The following DGKK variants were observed in gnomAD, a reference collection of about 807,000 sequenced individuals.
DGKK encodes the protein 142 kDa diacylglycerol kinase.
A neutral mutation model predicts 92.2 loss-of-function variants in DGKK; 35 were observed. That is an observed-to-expected ratio of 0.38 (90% CI 0.29 to 0.50). DGKK has a LOEUF of 0.50. DGKK is among the 20% of genes least tolerant of loss of function. The pLI, the probability that DGKK is intolerant of heterozygous loss-of-function variation, is 0.92. For synonymous variants in DGKK, 368 were observed against 360.6 expected, an observed-to-expected ratio of 1.02 and a Z score of -0.23; for missense variants, 910 against 992.2, an observed-to-expected ratio of 0.92 and a Z score of 1.11.
At chrX:50,414,746 A>T (rs1925390251) in intron 4 of DGKK, among the ~76,000 whole-genome samples, 1 of 111,807 alleles carries the variant, frequency 8.9e-6, no homozygotes. Context: ...TGAAAGACCC[A>T]CTATTTGATA....
intron 4 of DGKK, among the ~76,000 whole-genome samples, chrX:50,409,901 C>T (rs1407816195): frequency 3.6e-5 from 4 of 111,245 alleles, no homozygotes; most frequent in African/African-American, 1.3e-4. Context: ...CCCTTTTCCA[C>T]CATATGAAGA....
At chrX:50,464,500 G>A (rs1334065249) in intron 1 of DGKK, among the ~76,000 whole-genome samples, 8 of 109,542 alleles carry the variant, frequency 7.3e-5, no homozygotes, top group East Asian at 2.9e-4. Flanking sequence ...GGGAGGATTC[G>A]TAAATTTCAT....
At chrX:50,454,756 G>A (rs1425600305) in intron 1 of DGKK, among the ~76,000 whole-genome samples, 1 of 111,624 alleles carries the variant, frequency 9.0e-6, no homozygotes, top group African/African-American at 3.3e-5. Flanking sequence ...GAGCTAGATT[G>A]TCAGTAGGAC....
At chrX:50,401,339 C>T (rs1282359696) in intron 7 of DGKK, among the ~76,000 whole-genome samples, 200 bp from the exon 8 acceptor site, 1 of 110,995 alleles carries the variant, frequency 9.0e-6, no homozygotes, top group Non-Finnish European at 1.9e-5. Flanking sequence ...TCAGTGTGGC[C>T]TCAGAACTCT....
chrX:50,388,477 T>A (rs781973635), intron 13 of DGKK, 50 bp downstream of exon 13: 2 of 983,671 alleles, frequency 2.0e-6, no homozygotes, highest in Non-Finnish European at 2.9e-6. Context: ...ATGAGCCCCA[T>A]GTCTGACCTG....
At chrX:50,423,445 A>C (rs185214766) in intron 2 of DGKK, among the ~76,000 whole-genome samples, 79 of 112,015 alleles carry the variant, frequency 7.1e-4, no homozygotes, top group African/African-American at 2.4e-3. Flanking sequence ...GGAAAAAGAC[A>C]ATGGTTTCTA....
intron 7 of DGKK, among the ~76,000 whole-genome samples, chrX:50,402,549 C>G (rs1281239987): frequency 1.8e-5 from 2 of 112,113 alleles, no homozygotes; most frequent in Non-Finnish European, 3.8e-5. Context: ...GACCCCTTCA[C>G]TTTTCTGACC....
chrX:50,372,598 A>T (rs1464417057), intron 25 of DGKK, among the ~76,000 whole-genome samples: 1 of 112,162 alleles, frequency 8.9e-6, no homozygotes, highest in Admixed American at 9.4e-5. Context: ...AATGAGTTCT[A>T]GATGGCTTGT....
intron 1 of DGKK, among the ~76,000 whole-genome samples, chrX:50,439,309 G>T (rs1926112311): frequency 9.5e-6 from 1 of 104,745 alleles, no homozygotes; most frequent in South Asian, 4.2e-4. Flanking sequence ...AGATAAATCC[G>T]AATTTGAAAC....
At chrX:50,461,603 G>T (rs1869889897) in intron 1 of DGKK, among the ~76,000 whole-genome samples, 1 of 111,399 alleles carries the variant, frequency 9.0e-6, no homozygotes, top group African/African-American at 3.3e-5. Context: ...GAATACCTTG[G>T]CAAAGCATCT....
intron 21 of DGKK, 78 bp downstream of exon 21, chrX:50,378,500 T>C: frequency 1.1e-6 from 1 of 928,492 alleles, no homozygotes; most frequent in Non-Finnish European, 1.5e-6. Flanking sequence ...ACCCAGTTAA[T>C]TCCTGGGACT....
intron 1 of DGKK, among the ~76,000 whole-genome samples, chrX:50,465,884 G>A (rs1368229202): frequency 9.0e-6 from 1 of 110,932 alleles, no homozygotes; most frequent in Non-Finnish European, 1.9e-5. Flanking sequence ...GAAATAAAAG[G>A]GTTAATAATG....
intron 18 of DGKK, among the ~76,000 whole-genome samples, chrX:50,380,836 G>A (rs1005172390): frequency 2.7e-5 from 3 of 111,618 alleles, no homozygotes; most frequent in Non-Finnish European, 3.8e-5. Flanking sequence ...ATGTCAGAAG[G>A]CTAGCACAAA....
At chrX:50,447,042 C>G (rs1248848879) in intron 1 of DGKK, among the ~76,000 whole-genome samples, 2 of 106,654 alleles carry the variant, frequency 1.9e-5, no homozygotes, top group Admixed American at 2.1e-4. Flanking sequence ...GAATATAATA[C>G]TGTAAAAGAT....
chrX:50,378,673 T>C lies in DGKK; in HGVS notation c.2881A>G (p.Ile961Val), dbSNP rs1924334154. The change falls in exon 21 of 28, where the codon ATC becomes GTC. Residue 961 changes from isoleucine (I) to valine (V), a missense_variant. By Grantham distance (29) the Ile-to-Val change is conservative. Transcript: ENST00000611977. ...TATTEYEAPA[I>V]DDGKLEVVAI... ...ACCACCTCCAGTTTCCCATCATCGATTGCAGGAGCCTCATATTCCTGAGGA... is the reference window on the plus strand; with the variant it reads ...ACCACCTCCAGTTTCCCATCATCGACTGCAGGAGCCTCATATTCCTGAGGA... The C allele has an allele frequency of 8.3e-7, 1 of 1,204,845 alleles. No individual in the cohort carries two copies. The highest frequency in any genetic ancestry group is 3.0e-5 in the East Asian group (1 of 33,581).
At chrX:50,464,306 A>G (rs1273027250) in intron 1 of DGKK, among the ~76,000 whole-genome samples, 1 of 109,947 alleles carries the variant, frequency 9.1e-6, no homozygotes, top group South Asian at 3.9e-4. Flanking sequence ...CTTAAAAAAA[A>G]TTGTATTTTA....
At chrX:50,386,620 T>C in intron 14 of DGKK, 34 bp from the exon 15 acceptor site, 1 of 1,129,702 alleles carries the variant, frequency 8.9e-7, no homozygotes, top group Non-Finnish European at 1.2e-6. Flanking sequence ...GGCATTGTTA[T>C]GAGGGACCCA....
At chrX:50,454,528 C>A (rs1934169) in intron 1 of DGKK, among the ~76,000 whole-genome samples, 49,752 of 110,232 alleles carry the variant, frequency 0.45, 9,720 homozygotes, top group African/African-American at 0.76. Flanking sequence ...TACTCTCCTA[C>A]TCAAGAACAT....
chrX:50,449,807 CT>C (rs1926454309), intron 1 of DGKK, among the ~76,000 whole-genome samples: 1 of 111,984 alleles, frequency 8.9e-6, no homozygotes, highest in East Asian at 2.8e-4. Flanking sequence ...GAAAGTCCCC[CT>C]GGCAACTGAG....
Sources: gnomAD v4.1 joint callset for allele counts (sites outside exome capture counted in the v4.1 genomes callset) on GRCh38, gnomAD v4.1.1 for gene constraint, MANE v1.5 for transcripts, NCBI Gene and HGNC (gene_info 2026-07-23, HGNC 2026-07-21) for gene names.